The following PCDHA8 variants were observed in gnomAD, a reference collection of about 807,000 sequenced individuals.
PCDHA8 encodes protocadherin alpha-8.
A neutral mutation model predicts 61.8 loss-of-function variants in PCDHA8; 53 were observed. The observed-to-expected ratio is 0.86, with a 90% CI of 0.69 to 1.08. The LOEUF (loss-of-function observed/expected upper bound fraction) is 1.08, where lower values mean the gene tolerates loss of function less well. PCDHA8 is among the 50% of genes least tolerant of loss of function. The probability of loss-of-function intolerance (pLI) is 0.00; values close to 1 mark genes in which losing one functional copy is unlikely to be tolerated. For missense variants in PCDHA8, 1,293 were observed against 1,245.0 expected (o/e 1.04, Z -0.58); for synonymous variants, 618 against 556.6 (o/e 1.11, Z -1.55).
chr5:140,969,998 G>A (rs1345371434), intron 1 of PCDHA8, among the ~76,000 whole-genome samples: 2 of 152,220 alleles, frequency 1.3e-5, no homozygotes, highest in Non-Finnish European at 2.9e-5. Flanking sequence ...GGCTGTCAGA[G>A]GGAGTGGATG....
intron 1 of PCDHA8, among the ~76,000 whole-genome samples, chr5:140,940,230 TA>T (rs2153645241): frequency 6.6e-6 from 1 of 152,330 alleles, no homozygotes; most frequent in Non-Finnish European, 1.5e-5. Flanking sequence ...TTCATTTTGG[TA>T]CATTAAAGTT....
rs782037799 is a variant in PCDHA8 at position 140,877,180 on chromosome 5, G to A, written c.2394+33465G>A. ...CGCGCCGGCACTGCTGGCGACTCCG[G>A]CTGGCAGCGCAGGAGGCGCAGTTAG... On this transcript the variant is annotated intron_variant, in intron 1 of 3. Transcript: ENST00000531613. The A allele has an allele frequency of 1.1e-5, 18 of 1,613,692 alleles. No individual in the cohort carries two copies. In the South Asian group the frequency reaches 1.5e-4, roughly 14 times the overall value.
intron 3 of PCDHA8, among the ~76,000 whole-genome samples, chr5:140,986,619 C>T (rs1212565136): frequency 6.6e-6 from 1 of 152,134 alleles, no homozygotes; most frequent in Non-Finnish European, 1.5e-5. Flanking sequence ...CAGGCCTTAC[C>T]TAAGGCAACA....
Position 140,850,315 on chromosome 5 carries a change from T to G in PCDHA8, c.2394+6600T>G, listed in dbSNP as rs2150479120. 2.9e-5 allele frequency: 47 copies of G among 1,597,110 alleles called. 5 individuals are homozygous for G. Among genetic ancestry groups the G allele is most frequent in the Non-Finnish European group, 3.9e-5 (45 of 1,167,642 alleles). On this transcript the variant is annotated intron_variant, in intron 1 of 3. Coordinates refer to ENST00000531613, the MANE Select transcript of PCDHA8 (RefSeq NM_018911.3). ...GCCGACTCGGGCTACAACGCGTGGC[T>G]TTCATACGAGCTGCAGCCAGAAACG... is the stretch of plus-strand genomic sequence containing the variant.
At chr5:140,896,960 T>C (rs1242760287) in intron 1 of PCDHA8, among the ~76,000 whole-genome samples, 1 of 152,234 alleles carries the variant, frequency 6.6e-6, no homozygotes, top group Non-Finnish European at 1.5e-5. Context: ...CTTAAACATT[T>C]ATTCTTTGCA....
At chr5:140,858,107 C>T in intron 1 of PCDHA8, 1 of 1,597,636 alleles carries the variant, frequency 6.3e-7, no homozygotes, top group Non-Finnish European at 8.6e-7. Context: ...GGGCGTGGCG[C>T]CCGAGGTGGC....
At chr5:140,952,789 A>T (rs564361136) in intron 1 of PCDHA8, among the ~76,000 whole-genome samples, 1 of 152,316 alleles carries the variant, frequency 6.6e-6, no homozygotes, top group South Asian at 2.1e-4. Context: ...AAAGAGGTTT[A>T]ACTGGCTCGC....
intron 1 of PCDHA8, chr5:140,967,874 C>T: frequency 6.2e-7 from 1 of 1,614,132 alleles, no homozygotes; most frequent in Non-Finnish European, 8.5e-7. Context: ...GCTCACGGAC[C>T]TGTATAGCCC....
At chr5:140,849,552 A>C (rs2150440271) in intron 1 of PCDHA8, 1 of 1,598,478 alleles carries the variant, frequency 6.3e-7, no homozygotes, top group South Asian at 1.1e-5. Context: ...GTTGACTATC[A>C]AAACGCTCTC....
Position 140,927,187 on chromosome 5 carries a change from C to G in PCDHA8, c.2395-51762C>G, listed in dbSNP as rs558671063. 141 of 1,614,164 alleles carry G rather than the reference C, an allele frequency of 8.7e-5. 1 individual carries two copies. The South Asian group carries it at 1.5e-3, about 17-fold the overall frequency. The stretch of plus-strand genomic sequence containing the variant: ...AGCTGCCTGCGTCTTGACCTACGAC[C>G]TGGTGCTCGAGGACCCGCTGGAGCT... On this transcript the variant is annotated intron_variant, in intron 1 of 3. Transcript: ENST00000531613.
intron 1 of PCDHA8, chr5:140,843,938 G>C: frequency 1.7e-6 from 1 of 572,224 alleles, no homozygotes; most frequent in East Asian, 2.9e-5. Flanking sequence ...GTTATGGTTG[G>C]ATGATATCCA....
chr5:140,926,679 C>T (rs1348629347), intron 1 of PCDHA8: 26 of 638,064 alleles, frequency 4.1e-5, no homozygotes, highest in Middle Eastern at 4.4e-4. Context: ...GCCCAGCCTC[C>T]AGCCTAGCAA....
At chr5:140,980,350 G>T (rs1382723470) in intron 2 of PCDHA8, among the ~76,000 whole-genome samples, 1 of 152,128 alleles carries the variant, frequency 6.6e-6, no homozygotes, top group Admixed American at 6.5e-5. Context: ...TAACTTCCTG[G>T]ACTGGGCGCG....
intron 1 of PCDHA8, chr5:140,875,439 G>C (rs375983329): frequency 3.8e-6 from 6 of 1,569,382 alleles, no homozygotes; most frequent in East Asian, 2.3e-5. Flanking sequence ...CCTTAAAACT[G>C]ATTGTCCCAA....
chr5:140,865,755 A>C (rs1390578535), intron 1 of PCDHA8: 1 of 152,226 alleles, frequency 6.6e-6, no homozygotes, highest in Non-Finnish European at 1.5e-5. Flanking sequence ...GTGCCAGTAC[A>C]TGGTGGAGAT....
Position 140,988,156 on chromosome 5 carries a change from C to T in PCDHA8, c.2542+5593C>T, listed in dbSNP as rs546335543. Among the ~76,000 whole-genome samples, 7 of 152,172 alleles carry T rather than the reference C, an allele frequency of 4.6e-5. No individual in the cohort carries two copies. The South Asian group carries it at 1.5e-3, about 32-fold the overall frequency. On this transcript the variant is annotated intron_variant, in intron 3 of 3. Coordinates refer to ENST00000531613, the MANE Select transcript of PCDHA8 (RefSeq NM_018911.3). ...TAACCTGTTCAACCTCAACTTCTGCCGTTGTCATAGCAATGACAGTCCTGG... is the reference window on the plus strand; with the variant it reads ...TAACCTGTTCAACCTCAACTTCTGCTGTTGTCATAGCAATGACAGTCCTGG...
intron 1 of PCDHA8, chr5:140,875,217 C>G (rs1554167556): frequency 2.7e-6 from 2 of 734,894 alleles, no homozygotes; most frequent in African/African-American, 3.5e-5. Flanking sequence ...CCGAAAAGAA[C>G]CTCAGGATCT....
intron 1 of PCDHA8, chr5:140,849,420 G>A: frequency 6.4e-7 from 1 of 1,572,968 alleles, no homozygotes; most frequent in Non-Finnish European, 8.7e-7. Context: ...AGGACATATG[G>A]ATTTTGAAGA....
At chr5:140,862,318 A>G in intron 1 of PCDHA8, 1 of 317,904 alleles carries the variant, frequency 3.1e-6, no homozygotes, top group South Asian at 2.8e-5. Context: ...TCATAGCCCT[A>G]ATCAGTGTAA....
Sources: gnomAD v4.1 joint callset for allele counts (sites outside exome capture counted in the v4.1 genomes callset) on GRCh38, gnomAD v4.1.1 for gene constraint, MANE v1.5 for transcripts, NCBI Gene and HGNC (gene_info 2026-07-23, HGNC 2026-07-21) for gene names.